GALNT10: variants seen among roughly 807,000 people sequenced by gnomAD.
The protein encoded by GALNT10 is GalNAc transferase 10.
Under a neutral mutation model 75.0 loss-of-function variants are expected in GALNT10, and 41 were observed. The ratio of observed to expected loss-of-function variants is 0.55; its 90% confidence interval spans 0.43 to 0.71. The LOEUF (loss-of-function observed/expected upper bound fraction) is 0.71, where lower values mean the gene tolerates loss of function less well. GALNT10 is among the 30% of genes least tolerant of loss of function. The pLI is 0.00. For missense variants in GALNT10, 727 were observed against 818.5 expected (o/e 0.89, Z 1.36); for synonymous variants, 302 against 313.0 (o/e 0.96, Z 0.37).
chr5:154,197,219 G>A (rs1053695126), intron 1 of GALNT10, among the ~76,000 whole-genome samples: 6 of 152,056 alleles, frequency 3.9e-5, no homozygotes, highest in Non-Finnish European at 8.8e-5. Flanking sequence ...TTACTTACCC[G>A]TTCTGCCGCT....
intron 3 of GALNT10, among the ~76,000 whole-genome samples, chr5:154,323,159 G>A (rs1310417170): frequency 1.3e-5 from 2 of 152,110 alleles, no homozygotes; most frequent in African/African-American, 4.8e-5. Flanking sequence ...CGGGCCACAT[G>A]GGGTCTCTAT....
At chr5:154,386,570 G>A (rs1755810168) in intron 7 of GALNT10, 140 bp downstream of exon 7, 3 of 414,168 alleles carry the variant, frequency 7.2e-6, no homozygotes, top group Non-Finnish European at 1.4e-5. Flanking sequence ...AGGTGAAGAA[G>A]ACAGGGGCTC....
intron 1 of GALNT10, 146 bp downstream of exon 1, chr5:154,191,171 A>T (rs1774853392): frequency 1.8e-6 from 1 of 560,316 alleles, no homozygotes; most frequent in African/African-American, 1.9e-5. Flanking sequence ...GGATGGGAAA[A>T]TTAAGTCCTG....
intron 4 of GALNT10, among the ~76,000 whole-genome samples, chr5:154,366,387 A>C (rs1325171192): frequency 1.3e-5 from 2 of 152,098 alleles, no homozygotes; most frequent in Non-Finnish European, 2.9e-5. Flanking sequence ...ATTGAGTTGG[A>C]GAAGGTTGAA....
chr5:154,339,508 TAAAAA>T (rs376917544), intron 4 of GALNT10, among the ~76,000 whole-genome samples: 1 of 140,156 alleles, frequency 7.1e-6, no homozygotes, highest in African/African-American at 2.7e-5. Context: ...TTGTGCATCT[TAAAAA>T]AAAAAACCCA....
chr5:154,381,461 C>T (rs1340108491), intron 6 of GALNT10, among the ~76,000 whole-genome samples: 1 of 152,328 alleles, frequency 6.6e-6, no homozygotes, highest in Non-Finnish European at 1.5e-5. Flanking sequence ...TCCTGCGACA[C>T]GTGTGGAAAA....
intron 1 of GALNT10, among the ~76,000 whole-genome samples, chr5:154,273,290 G>A (rs153438): frequency 0.65 from 99,355 of 151,950 alleles, 32,843 homozygotes; most frequent in East Asian, 0.86. Context: ...AACACTGGCC[G>A]GCACTGAGAA....
intron 3 of GALNT10, among the ~76,000 whole-genome samples, chr5:154,299,787 C>T (rs534810242): frequency 1.3e-5 from 2 of 151,816 alleles, no homozygotes; most frequent in South Asian, 4.1e-4. Flanking sequence ...TGCTTTCCCA[C>T]GGGCTTTGCC....
intron 3 of GALNT10, among the ~76,000 whole-genome samples, chr5:154,302,989 C>G (rs1754382472): frequency 6.6e-6 from 1 of 152,076 alleles, no homozygotes; most frequent in African/African-American, 2.4e-5. Flanking sequence ...TTTAAGTCAA[C>G]CACATTTATT....
rs1004209 is a variant in GALNT10 at position 154,328,066 on chromosome 5, A to C, written c.402-1506A>C. On this transcript the variant is annotated intron_variant, in intron 3 of 11. Coordinates refer to ENST00000297107, the MANE Select transcript of GALNT10 (RefSeq NM_198321.4). ...TAAGATAAATAGCCCAGTTTCTTCA[A>C]CAAACAAATCGAAGGGGAAAAAAAA... is the stretch of plus-strand genomic sequence containing the variant. Among the ~76,000 whole-genome samples, 419 of 133,776 alleles carry C rather than the reference A, an allele frequency of 3.1e-3. 1 individual carries two copies. The highest frequency in any genetic ancestry group is 0.011 in the African/African-American group (398 of 37,464). 87.8% of individuals were successfully genotyped at this position (133,776 alleles called of 152,430 possible).
chr5:154,273,495 AG>A (rs1229506124), intron 1 of GALNT10, among the ~76,000 whole-genome samples: 1 of 152,188 alleles, frequency 6.6e-6, no homozygotes, highest in African/African-American at 2.4e-5. Context: ...AAGTTATAAA[AG>A]GAGAGAGGGT....
At chr5:154,396,847 C>T (rs1045879288) in intron 7 of GALNT10, among the ~76,000 whole-genome samples, 2 of 152,080 alleles carry the variant, frequency 1.3e-5, no homozygotes, top group African/African-American at 4.8e-5. Flanking sequence ...AAATACTAGG[C>T]TGGGCGCGGT....
rs931962143 is a variant in GALNT10, at chr5:154,409,999, A to G, written c.1386+237A>G. Reference sequence around the variant, plus strand: ...GTTATTAGCATGAATTTTACCTTTCATCTTTATATTATGCAGTGACAATTT... The same window carrying G: ...GTTATTAGCATGAATTTTACCTTTCGTCTTTATATTATGCAGTGACAATTT... On this transcript the variant is annotated intron_variant, in intron 9 of 11. Transcript: ENST00000297107. The surrounding 1 kb of genome is among the most constrained non-coding windows in gnomAD (Gnocchi z 4.5). Among the ~76,000 whole-genome samples, 1 of 152,208 alleles carries G rather than the reference A, an allele frequency of 6.6e-6. No individual in the cohort carries two copies. Among genetic ancestry groups the G allele is most frequent in the East Asian group, 1.9e-4 (1 of 5,200 alleles).
At chr5:154,270,486 G>C (rs1378243414) in intron 1 of GALNT10, among the ~76,000 whole-genome samples, 1 of 151,954 alleles carries the variant, frequency 6.6e-6, no homozygotes, top group South Asian at 2.1e-4. Flanking sequence ...CTGCATCCCT[G>C]GTTGAACAAC....
chr5:154,420,694 T>C lies in GALNT10; in HGVS notation c.*3722T>C, dbSNP rs1229344545. 6.6e-6 allele frequency: 1 copy of C among 152,194 alleles called. No homozygotes were observed. Among genetic ancestry groups the C allele is most frequent in the African/African-American group, 2.4e-5 (1 of 41,436 alleles). The allele number at this position is 152,194 out of a possible 1,614,324, so 9.4% of individuals were successfully genotyped here. ...CTCTGGGATGGGAGTCGGACCTACA[T>C]ACCAAGTGACAAGTTCACCTTAACA... On this transcript the variant is annotated 3_prime_UTR_variant, in exon 12 of 12. Transcript: ENST00000297107.
At chr5:154,256,203 G>GC (rs1204897391) in intron 1 of GALNT10, among the ~76,000 whole-genome samples, 117 of 152,132 alleles carry the variant, frequency 7.7e-4, no homozygotes, top group African/African-American at 2.6e-3. Flanking sequence ...CCATCCCCGG[G>GC]GTCATCTCTG....
chr5:154,240,849 G>A (rs1488394498), intron 1 of GALNT10, among the ~76,000 whole-genome samples: 2 of 152,134 alleles, frequency 1.3e-5, no homozygotes, highest in African/African-American at 4.8e-5. Flanking sequence ...CCTCTCAGAC[G>A]CTTCCTGGCT....
chr5:154,385,595 AG>A (rs554930579), intron 6 of GALNT10, among the ~76,000 whole-genome samples: 52 of 152,232 alleles, frequency 3.4e-4, no homozygotes, highest in African/African-American at 1.2e-3. Flanking sequence ...CTCTGTCTTG[AG>A]GGGGCTGCCC....
At chr5:154,227,373 G>A (rs889413331) in intron 1 of GALNT10, among the ~76,000 whole-genome samples, 5 of 152,038 alleles carry the variant, frequency 3.3e-5, no homozygotes, top group African/African-American at 1.2e-4. Flanking sequence ...ATATCTTAAC[G>A]TGGTTTTAAT....
Sources: gnomAD v4.1 joint callset for allele counts (sites outside exome capture counted in the v4.1 genomes callset) on GRCh38, gnomAD v4.1.1 for gene constraint, Gnocchi (gnomAD v3.1) non-coding constraint, MANE v1.5 for transcripts, NCBI Gene and HGNC (gene_info 2026-07-23, HGNC 2026-07-21) for gene names.